Variants in COG5 observed in about 807,000 individuals in gnomAD.
The protein encoded by COG5 is conserved oligomeric Golgi complex subunit 5.
COG5 carries 86 observed loss-of-function variants against 110.4 expected under a neutral mutation model. That is an observed-to-expected ratio of 0.78 (90% CI 0.65 to 0.93). The LOEUF (loss-of-function observed/expected upper bound fraction) is 0.93, where lower values mean the gene tolerates loss of function less well. Ranked by LOEUF, COG5 falls within the 40% of genes least tolerant of loss-of-function variation. The pLI is 0.00. For synonymous variants in COG5, 360 were observed against 334.6 expected (o/e 1.08, Z -0.83); for missense variants, 1,077 against 987.0 (o/e 1.09, Z -1.22).
intron 10 of COG5, among the ~76,000 whole-genome samples, chr7:107,336,800 A>G (rs577673727): frequency 1.3e-5 from 2 of 152,328 alleles, no homozygotes; most frequent in East Asian, 3.9e-4. Flanking sequence ...TACCGCTACT[A>G]CCACAGCAGT....
chr7:107,420,740 C>T (rs866231338), intron 6 of COG5, among the ~76,000 whole-genome samples: 4 of 152,334 alleles, frequency 2.6e-5, no homozygotes, highest in South Asian at 2.1e-4. Context: ...GGATTACAGG[C>T]GTGAGCCACC....
intron 14 of COG5, among the ~76,000 whole-genome samples, chr7:107,274,559 A>G (rs1405072943): frequency 6.6e-6 from 1 of 152,168 alleles, no homozygotes; most frequent in Non-Finnish European, 1.5e-5. Context: ...AGAGCTACGT[A>G]TAATAGAGCA....
At chr7:107,467,941 A>T (rs1342640228) in intron 6 of COG5, among the ~76,000 whole-genome samples, 1 of 152,162 alleles carries the variant, frequency 6.6e-6, no homozygotes, top group Non-Finnish European at 1.5e-5. Flanking sequence ...GAAACCCCAG[A>T]TTTTGTTTTT....
At chr7:107,348,919 T>C (rs886896749) in intron 10 of COG5, among the ~76,000 whole-genome samples, 13 of 152,094 alleles carry the variant, frequency 8.5e-5, no homozygotes, top group African/African-American at 3.1e-4. Context: ...TGGAGTGCTG[T>C]GATGCCATTA....
At chr7:107,283,931 C>CTTTTTTTTTTTTTTTTTT (rs71522833) in intron 12 of COG5, among the ~76,000 whole-genome samples, 199 bp from the exon 13 acceptor site, 17 of 142,632 alleles carry the variant, frequency 1.2e-4, no homozygotes, top group Non-Finnish European at 1.9e-4. Flanking sequence ...CCATAGTAAC[C>CTTTTTTTTTTTTTTTTTT]TTTTTTTTTT....
At chr7:107,251,629 A>G (rs1227870585) in intron 16 of COG5, among the ~76,000 whole-genome samples, 1 of 152,190 alleles carries the variant, frequency 6.6e-6, no homozygotes, top group Non-Finnish European at 1.5e-5. Context: ...CATGACTCAG[A>G]TAAGAAATCA....
intron 6 of COG5, among the ~76,000 whole-genome samples, chr7:107,415,031 T>C (rs554076592): frequency 1.3e-5 from 2 of 152,224 alleles, no homozygotes; most frequent in African/African-American, 2.4e-5. Flanking sequence ...CGGCCCACTG[T>C]CCCTTCTTTT....
At chr7:107,348,857 A>T (rs970639404) in intron 10 of COG5, among the ~76,000 whole-genome samples, 1 of 151,814 alleles carries the variant, frequency 6.6e-6, no homozygotes, top group African/African-American at 2.4e-5. Context: ...TCAATATTAG[A>T]ATTTTTCTTT....
rs1306203208 is a variant in COG5, at chr7:107,457,479, GTGCAAGTGGCGCAATCTCAGCTCAC to G, written c.539-44872_539-44848del. 3.9e-5 allele frequency among the ~76,000 whole-genome samples: 6 copies of G among 152,058 alleles called. No individual in the cohort carries two copies. The East Asian group carries it at 1.2e-3, about 29-fold the overall frequency. On this transcript the variant is annotated intron_variant, in intron 6 of 21. Transcript: ENST00000297135. ...GTCTCACTCTGTCGCCCAGGCTGGA[GTGCAAGTGGCGCAATCTCAGCTCAC>G]TGCAAGCGCCGCCTCCCAGGTTCAT...
At position 107,522,809 on chromosome 7, in the gene COG5, A is replaced by AT. The variant is rs1003713659; in HGVS notation, c.538+4427dup. On this transcript the variant is annotated intron_variant, in intron 6 of 21. Transcript: ENST00000297135. ...TCCTGCACCATCTGTTGAAAAGACTATTTTTTTCTCTACTAAATGTGTCAA... is the reference window on the plus strand; with the variant it reads ...TCCTGCACCATCTGTTGAAAAGACTATTTTTTTTCTCTACTAAATGTGTCAA... Among the ~76,000 whole-genome samples, 8 of 152,120 alleles carry AT rather than the reference A, an allele frequency of 5.3e-5. 1 individual carries two copies. The South Asian group carries it at 1.7e-3, about 32-fold the overall frequency.
chr7:107,514,317 C>T (rs1490557681), intron 6 of COG5, among the ~76,000 whole-genome samples: 1 of 145,662 alleles, frequency 6.9e-6, no homozygotes, highest in African/African-American at 2.5e-5. Flanking sequence ...TCTATATAAA[C>T]ATGGCCTATT....
chr7:107,535,745 G>C (rs965229714), intron 5 of COG5, among the ~76,000 whole-genome samples: 10 of 152,110 alleles, frequency 6.6e-5, no homozygotes, highest in South Asian at 4.1e-4. Flanking sequence ...AGAGGAGCTG[G>C]TACCATTCCT....
Position 107,455,574 on chromosome 7 carries a change from A to G in COG5, c.539-42942T>C, listed in dbSNP as rs111827456. Among the ~76,000 whole-genome samples, 10 of 152,330 alleles carry G rather than the reference A, an allele frequency of 6.6e-5. 3 individuals carry two copies. The highest frequency in any genetic ancestry group is 2.4e-4 in the African/African-American group (10 of 41,596). On this transcript the variant is annotated intron_variant, in intron 6 of 21. Transcript: ENST00000297135. ...ATGTGACACAGACTATATACAGCCC[A>G]CAAAGCCTAAAATATTTATTATCTG...
intron 19 of COG5, among the ~76,000 whole-genome samples, chr7:107,215,372 A>G (rs1048489484): frequency 6.6e-6 from 1 of 152,162 alleles, no homozygotes; most frequent in Non-Finnish European, 1.5e-5. Flanking sequence ...ATGTATAAAA[A>G]ATAAGACCCA....
intron 6 of COG5, among the ~76,000 whole-genome samples, chr7:107,417,263 T>C (rs558192357): frequency 3.7e-4 from 57 of 152,336 alleles, no homozygotes; most frequent in African/African-American, 1.3e-3. Context: ...AGTAAATGTC[T>C]ACTATATTCT....
chr7:107,210,406 C>T, intron 21 of COG5, 120 bp downstream of exon 21: 7 of 1,489,858 alleles, frequency 4.7e-6, no homozygotes, highest in Non-Finnish European at 6.3e-6. Context: ...AGGTGGCCCG[C>T]CACTGGAAGG....
intron 18 of COG5, among the ~76,000 whole-genome samples, chr7:107,232,306 T>C (rs1001443943): frequency 2.0e-5 from 3 of 152,234 alleles, no homozygotes; most frequent in African/African-American, 4.8e-5. Flanking sequence ...GGTAGGAATT[T>C]CTGTTTTCTT....
At chr7:107,508,615 C>A (rs1799229233) in intron 6 of COG5, among the ~76,000 whole-genome samples, 2 of 152,226 alleles carry the variant, frequency 1.3e-5, no homozygotes, top group East Asian at 1.9e-4. Flanking sequence ...AGCAGCCTAA[C>A]TGGGAGGCAC....
At position 107,258,425 on chromosome 7, in the gene COG5, TTC is replaced by T. The variant is rs71134258; in HGVS notation, c.1576-44_1576-43del. The T allele has an allele frequency of 0.094, 64,928 of 690,404 alleles. 7 individuals are homozygous for T. The highest frequency in any genetic ancestry group is 0.18 in the South Asian group (8,237 of 45,440). The allele number at this position is 690,404 out of a possible 1,614,324, so 42.8% of individuals were successfully genotyped here. A position where few individuals can be genotyped will look rare whatever the true frequency, so the allele number is the denominator to read the frequency against. ...TCAAAAGAATGTGTCAGAATGATAA[TTC>T]TCTCTCTCTCTCTCTCTCTCTCTCA... is the stretch of plus-strand genomic sequence containing the variant. On this transcript the variant is annotated intron_variant, in intron 14 of 21. Transcript: ENST00000297135.
Sources: gnomAD v4.1 joint callset for allele counts (sites outside exome capture counted in the v4.1 genomes callset) on GRCh38, gnomAD v4.1.1 for gene constraint, MANE v1.5 for transcripts, NCBI Gene and HGNC (gene_info 2026-07-23, HGNC 2026-07-21) for gene names.